Variants in GLS observed in about 807,000 individuals in gnomAD.
The protein encoded by GLS is glutaminase kidney isoform, mitochondrial.
In GLS, 36 loss-of-function variants were observed where a neutral mutation model predicts 86.7. The ratio of observed to expected loss-of-function variants is 0.42; its 90% CI spans 0.32 to 0.55. The LOEUF (loss-of-function observed/expected upper bound fraction) is 0.55, where lower values mean the gene tolerates loss of function less well. Ranked by LOEUF, GLS falls within the 20% of genes least tolerant of loss-of-function variation. GLS has a pLI of 0.17. For synonymous variants in GLS, 317 were observed against 305.9 expected (o/e 1.04, Z -0.38); for missense variants, 528 against 833.4 (o/e 0.63, Z 4.51).
intron 11 of GLS, among the ~76,000 whole-genome samples, chr2:190,926,263 A>G (rs1283219217): frequency 6.6e-6 from 1 of 152,222 alleles, no homozygotes; most frequent in Non-Finnish European, 1.5e-5. Context: ...TGCATGATTA[A>G]GTCGACCTTA....
chr2:190,888,711 G>A (rs1214175519), intron 1 of GLS, among the ~76,000 whole-genome samples: 1 of 152,168 alleles, frequency 6.6e-6, no homozygotes, highest in Non-Finnish European at 1.5e-5. Flanking sequence ...ATATTTATTG[G>A]TAAGTTCTCT....
chr2:190,904,215 C>A (rs1248014868), intron 5 of GLS, among the ~76,000 whole-genome samples: 3 of 151,606 alleles, frequency 2.0e-5, no homozygotes, highest in Non-Finnish European at 4.4e-5. Flanking sequence ...TAGACAGGGT[C>A]CCAGAGAATA....
Position 190,930,718 on chromosome 2 carries a change from G to T in GLS, c.1557+150G>T. On this transcript the variant is annotated intron_variant, in intron 13 of 17. Coordinates refer to ENST00000320717, the MANE Select transcript of GLS (RefSeq NM_014905.5). This position sits in a 1 kb window ranked among gnomAD's most constrained non-coding sequence, Gnocchi z 5.0. ...AGGGAGCCGTGGAAATACTCCCAGA[G>T]GAGCTTCAAGTTGTCTCTGTCAGAC... 8.3e-6 allele frequency: 5 copies of T among 603,044 alleles called. No individual in the cohort carries two copies. In the South Asian group the frequency reaches 1.0e-4, roughly 12 times the overall value. The allele number at this position is 603,044 out of a possible 1,614,324, so 37.4% of individuals were successfully genotyped here.
intron 14 of GLS, among the ~76,000 whole-genome samples, chr2:190,944,215 T>TA (rs1690524257): frequency 6.6e-6 from 1 of 151,326 alleles, no homozygotes; most frequent in Admixed American, 6.6e-5. Flanking sequence ...TTTTGTTTAA[T>TA]ATGTGTATTT....
intron 14 of GLS, among the ~76,000 whole-genome samples, chr2:190,950,057 A>C (rs1360803779): frequency 2.0e-5 from 3 of 151,514 alleles, no homozygotes; most frequent in Non-Finnish European, 2.9e-5. Context: ...AAAAGAGGGG[A>C]GTGTTTTAGA....
rs552652210 is a variant in GLS at position 190,947,125 on chromosome 2, A to G, written c.1651-6440A>G. On this transcript the variant is annotated intron_variant, in intron 14 of 17. Transcript: ENST00000320717. This position sits in a 1 kb window ranked among gnomAD's most constrained non-coding sequence, Gnocchi z 5.0. ...TAATTCTAATAATTGCTACTTACTC[A>G]TAAGTACAGAATTATTAGGGCATTT... is the stretch of plus-strand genomic sequence containing the variant. 2.0e-5 allele frequency among the ~76,000 whole-genome samples: 3 copies of G among 152,212 alleles called. No individual in the cohort carries two copies. Among genetic ancestry groups the G allele is most frequent in the Non-Finnish European group, 4.4e-5 (3 of 68,032 alleles).
Position 190,913,571 on chromosome 2 carries a change from G to A in GLS, c.1038+3250G>A. On this transcript the variant is annotated intron_variant, in intron 7 of 17. Coordinates refer to ENST00000320717, the MANE Select transcript of GLS (RefSeq NM_014905.5). This position sits in a 1 kb window ranked among gnomAD's most constrained non-coding sequence, Gnocchi z 6.1. ...GGAAAGAACAAAAATAAATTTGAAA[G>A]GAACAGTTATTTTTATATGATGTAG... 1 of 960,440 alleles carries A rather than the reference G, an allele frequency of 1.0e-6. No homozygotes were observed. Among genetic ancestry groups the A allele is most frequent in the Non-Finnish European group, 1.2e-6 (1 of 807,570 alleles). 59.5% of individuals were successfully genotyped at this position (960,440 alleles called of 1,614,324 possible).
intron 17 of GLS, among the ~76,000 whole-genome samples, chr2:190,960,991 A>G (rs1690986953): frequency 6.6e-6 from 1 of 152,222 alleles, no homozygotes; most frequent in East Asian, 1.9e-4. Flanking sequence ...CAACTAAAAC[A>G]CTATGTAATA....
At chr2:190,960,160 T>C (rs1186593001) in intron 17 of GLS, among the ~76,000 whole-genome samples, 1 of 152,200 alleles carries the variant, frequency 6.6e-6, no homozygotes, top group Non-Finnish European at 1.5e-5. Flanking sequence ...TTCATATCCT[T>C]GGACATTATG....
intron 12 of GLS, 179 bp downstream of exon 12, chr2:190,927,661 T>G: frequency 2.0e-6 from 1 of 504,426 alleles, no homozygotes; most frequent in Non-Finnish European, 3.5e-6. Flanking sequence ...TACCAGATGT[T>G]CTTAAGAACT....
chr2:190,961,689 G>GTTT (rs11386437), intron 17 of GLS, among the ~76,000 whole-genome samples: 55,477 of 135,484 alleles, frequency 0.41, 12,466 homozygotes, highest in Non-Finnish European at 0.51. Flanking sequence ...TAATTCAGCT[G>GTTT]TTTTTTTTTT....
intron 6 of GLS, among the ~76,000 whole-genome samples, chr2:190,908,067 A>G (rs1475737889): frequency 6.6e-6 from 1 of 152,072 alleles, no homozygotes; most frequent in Non-Finnish European, 1.5e-5. Flanking sequence ...CATTTTTTCC[A>G]ACCATCCTCA....
chr2:190,899,010 T>C (rs925046199), intron 3 of GLS, among the ~76,000 whole-genome samples: 20 of 152,212 alleles, frequency 1.3e-4, no homozygotes, highest in Non-Finnish European at 2.8e-4. Flanking sequence ...GCAGCTCTCA[T>C]TTTTGCATTT....
At chr2:190,890,655 C>T (rs1416869782) in intron 1 of GLS, among the ~76,000 whole-genome samples, 3 of 152,226 alleles carry the variant, frequency 2.0e-5, no homozygotes, top group Admixed American at 6.5e-5. Flanking sequence ...TGTTGATAGA[C>T]GGTTGTTATC....
chr2:190,960,186 T>C (rs1690965337), intron 17 of GLS, among the ~76,000 whole-genome samples: 1 of 152,092 alleles, frequency 6.6e-6, no homozygotes, highest in African/African-American at 2.4e-5. Context: ...GAGTAGAGTA[T>C]ATGAGTCAAT....
In GLS at chr2:190,938,076, T is replaced by C. The variant is rs553245989; in HGVS notation, c.1650+6439T>C. ...ATGGAATTTTTTTAAAGAAAAATTA[T>C]ATACCACATCTCAATGGCAAAGAAT... is the stretch of plus-strand genomic sequence containing the variant. On this transcript the variant is annotated intron_variant, in intron 14 of 17. Transcript: ENST00000320717. This position sits in a 1 kb window ranked among gnomAD's most constrained non-coding sequence, Gnocchi z 4.1. Among the ~76,000 whole-genome samples, 10 of 151,524 alleles carry C rather than the reference T, an allele frequency of 6.6e-5. No homozygotes were observed. The highest frequency in any genetic ancestry group is 1.5e-4 in the Non-Finnish European group (10 of 67,422).
At chr2:190,944,457 A>C (rs1690531553) in intron 14 of GLS, among the ~76,000 whole-genome samples, 1 of 152,218 alleles carries the variant, frequency 6.6e-6, no homozygotes, top group Non-Finnish European at 1.5e-5. Context: ...AAACTTTGAT[A>C]GTTGTCTGTG....
intron 14 of GLS, among the ~76,000 whole-genome samples, chr2:190,948,903 G>T (rs1014876180): frequency 7.2e-5 from 11 of 152,150 alleles, no homozygotes; most frequent in Non-Finnish European, 1.6e-4. Context: ...TGGTGGGAGT[G>T]GAGGTATCTA....
intron 1 of GLS, among the ~76,000 whole-genome samples, chr2:190,889,926 CAGTTT>C (rs2125978114): frequency 6.6e-6 from 1 of 152,112 alleles, no homozygotes; most frequent in East Asian, 1.9e-4. Context: ...CAAGGCAGAC[CAGTTT>C]AGTTCTCTTA....
Sources: gnomAD v4.1 joint callset for allele counts (sites outside exome capture counted in the v4.1 genomes callset) on GRCh38, gnomAD v4.1.1 for gene constraint, Gnocchi (gnomAD v3.1) non-coding constraint, MANE v1.5 for transcripts, NCBI Gene and HGNC (gene_info 2026-07-23, HGNC 2026-07-21) for gene names.